ARHGEF18: variants seen among roughly 807,000 people sequenced by gnomAD.
ARHGEF18 encodes Rho/Rac guanine nucleotide exchange factor 18, also known as rho guanine nucleotide exchange factor 18.
In ARHGEF18, 93 loss-of-function variants were observed where a neutral mutation model predicts 155.7. The ratio of observed to expected loss-of-function variants is 0.60; its 90% CI spans 0.50 to 0.71. The LOEUF (loss-of-function observed/expected upper bound fraction) is 0.71, where lower values mean the gene tolerates loss of function less well. Among genes scored for constraint, ARHGEF18 ranks in the 30% least tolerant of loss-of-function variants. The pLI is 0.00. For missense variants in ARHGEF18, 1,593 were observed against 1,816.1 expected (o/e 0.88, Z 2.23); for synonymous variants, 742 against 753.1 (o/e 0.99, Z 0.24).
intron 10 of ARHGEF18, among the ~76,000 whole-genome samples, chr19:7,426,397 T>C (rs563321684): frequency 1.2e-4 from 18 of 149,114 alleles, no homozygotes; most frequent in Admixed American, 4.1e-4. Context: ...TGAGGCAGGA[T>C]AATTGCTTGA....
intron 17 of ARHGEF18, among the ~76,000 whole-genome samples, chr19:7,455,406 G>A (rs1237298089): frequency 6.6e-6 from 1 of 152,238 alleles, no homozygotes; most frequent in Non-Finnish European, 1.5e-5. Flanking sequence ...AGGGGTGTTG[G>A]AAGCAGCTCC....
Position 7,470,516 on chromosome 19 carries a change from CTTTT to C in ARHGEF18, c.*228_*231del. On this transcript the variant is annotated 3_prime_UTR_variant, in exon 29 of 29. Transcript: ENST00000668164. This position sits in a 1 kb window ranked among gnomAD's most constrained non-coding sequence, Gnocchi z 5.9. ...GGTGCCGGGGTCACTTTCTGAATCT[CTTTT>C]TTTTTTTTTCAAAAAGGAAAGTTTT... 5.7e-6 allele frequency: 2 copies of C among 348,958 alleles called. No homozygotes were observed. The highest frequency in any genetic ancestry group is 1.5e-4 in the South Asian group (1 of 6,478). The allele number at this position is 348,958 out of a possible 1,614,324, so 21.6% of individuals were successfully genotyped here.
intron 14 of ARHGEF18, among the ~76,000 whole-genome samples, chr19:7,446,442 A>G (rs1974995471): frequency 6.6e-6 from 1 of 152,082 alleles, no homozygotes; most frequent in African/African-American, 2.4e-5. Context: ...GACAAATTAG[A>G]TGAAAATATA....
At chr19:7,382,377 AGAGT>A (rs1970787924) in intron 8 of ARHGEF18, among the ~76,000 whole-genome samples, 1 of 148,616 alleles carries the variant, frequency 6.7e-6, no homozygotes, top group Admixed American at 6.7e-5. Flanking sequence ...CCTGGGTGAC[AGAGT>A]GAGACTCTGT....
intron 1 of ARHGEF18, among the ~76,000 whole-genome samples, chr19:7,362,343 A>AGGAAGAGGAG (rs1568265565): frequency 0.021 from 2,727 of 129,016 alleles, 103 homozygotes; most frequent in African/African-American, 0.12. Context: ...AGGAGGAGGA[A>AGGAAGAGGAG]GAGGAGGAGG....
intron 10 of ARHGEF18, among the ~76,000 whole-genome samples, chr19:7,390,325 G>C (rs1338883289): frequency 1.3e-5 from 2 of 152,000 alleles, no homozygotes; most frequent in African/African-American, 4.8e-5. Context: ...TGGCCAACAT[G>C]GTAAGACCCC....
intron 20 of ARHGEF18, among the ~76,000 whole-genome samples, chr19:7,461,120 A>T (rs1976225533): frequency 6.6e-6 from 1 of 151,706 alleles, no homozygotes; most frequent in African/African-American, 2.4e-5. Flanking sequence ...GATAATACTC[A>T]AACAATAAGT....
intron 10 of ARHGEF18, among the ~76,000 whole-genome samples, chr19:7,439,410 G>T (rs1974484815): frequency 6.6e-6 from 1 of 151,874 alleles, no homozygotes; most frequent in Non-Finnish European, 1.5e-5. Context: ...GCTATGGTCG[G>T]CCACTGCACT....
At chr19:7,356,704 T>C (rs1375863628) in intron 1 of ARHGEF18, among the ~76,000 whole-genome samples, 5 of 152,258 alleles carry the variant, frequency 3.3e-5, no homozygotes, top group South Asian at 2.1e-4. Flanking sequence ...CATTGCCTCA[T>C]GGGTTTTCTT....
the ARHGEF18 span, among the ~76,000 whole-genome samples, chr19:7,479,985 C>T: frequency 3.3e-5 from 5 of 152,090 alleles, no homozygotes; most frequent in South Asian, 4.2e-4. Flanking sequence ...AAGTCTGGGC[C>T]GGGAGTGGTG....
chr19:7,467,067 G>A lies in ARHGEF18; in HGVS notation c.2962-4G>A, dbSNP rs1976671595. The A allele has an allele frequency of 3.1e-6, 5 of 1,609,122 alleles. No homozygotes were observed. Among genetic ancestry groups the A allele is most frequent in the East Asian group, 2.2e-5 (1 of 44,722 alleles). ...TAGCATCAATCTCCCTCTCCTCTCC[G>A]CAGCTTGTCCAGCGGATCCAGACAC... On this transcript the variant is annotated splice_polypyrimidine_tract_variant and splice_region_variant and intron_variant, in intron 24 of 28. Transcript: ENST00000668164.
At chr19:7,451,329 AC>A in intron 16 of ARHGEF18, 63 bp downstream of exon 16, 1 of 1,387,208 alleles carries the variant, frequency 7.2e-7, no homozygotes, top group Non-Finnish European at 1.0e-6. Flanking sequence ...CTCTCCGTGT[AC>A]CCACTCCCTA....
At chr19:7,362,350 G>T (rs1007122867) in intron 1 of ARHGEF18, among the ~76,000 whole-genome samples, 1 of 150,384 alleles carries the variant, frequency 6.6e-6, no homozygotes, top group Non-Finnish European at 1.5e-5. Context: ...GGAAGAGGAG[G>T]AGGAGGAAAA....
chr19:7,477,841 A>AC, the ARHGEF18 span, among the ~76,000 whole-genome samples: 2 of 152,122 alleles, frequency 1.3e-5, no homozygotes, highest in African/African-American at 4.8e-5. Flanking sequence ...ATATGGCGAG[A>AC]CCCCATCTCC....
At chr19:7,472,738 C>T (rs560214948), downstream of ARHGEF18, 27 of 337,140 alleles carry the variant, frequency 8.0e-5, no homozygotes, top group South Asian at 4.7e-4. Flanking sequence ...CTTGCTCTGT[C>T]GCCCAGGCTG....
In ARHGEF18 at chr19:7,468,934, T is replaced by C; in HGVS notation, c.3590T>C (p.Val1197Ala). ...CCAGAGTACGCAGAGCGCCCCGAGG[T>C]GGCTCGCCGGGACAGCGCCCCCACC... is the stretch of plus-strand genomic sequence containing the variant. ...VGPEYAERPE[V>A]ARRDSAPTEN... Residue 1197 changes from valine to alanine, a missense_variant, in exon 27 of 29, where the codon GTG becomes GCG. Transcript: ENST00000668164. 3 of 1,576,626 alleles carry C rather than the reference T, an allele frequency of 1.9e-6. No individual in the cohort carries two copies. The highest frequency in any genetic ancestry group is 1.8e-5 in the Admixed American group (1 of 54,966).
At chr19:7,457,801 G>A (rs1367689495) in intron 18 of ARHGEF18, among the ~76,000 whole-genome samples, 4 of 152,124 alleles carry the variant, frequency 2.6e-5, no homozygotes, top group African/African-American at 9.7e-5. Flanking sequence ...GCTGGTCTGT[G>A]GAAGCATTGT....
At chr19:7,453,801 T>G in intron 17 of ARHGEF18, 86 bp downstream of exon 17, 1 of 1,437,422 alleles carries the variant, frequency 7.0e-7, no homozygotes, top group East Asian at 2.4e-5. Flanking sequence ...TGTCTTAGAT[T>G]AGTGGCACCA....
At chr19:7,367,765 ATATATATACACATATATATATTT>A (rs1303436421) in intron 2 of ARHGEF18, among the ~76,000 whole-genome samples, 3 of 128,992 alleles carry the variant, frequency 2.3e-5, no homozygotes, top group African/African-American at 1.1e-4. Context: ...AAAAATATAT[ATATATATACACATATATATATTT>A]TATATATATA....
Sources: gnomAD v4.1 joint callset for allele counts (sites outside exome capture counted in the v4.1 genomes callset) on GRCh38, gnomAD v4.1.1 for gene constraint, Gnocchi (gnomAD v3.1) non-coding constraint, MANE v1.5 for transcripts, NCBI Gene and HGNC (gene_info 2026-07-23, HGNC 2026-07-21) for gene names.